Variants in DPP4 observed in about 807,000 individuals in gnomAD.
The protein encoded by DPP4 is ADCP-2.
Under a neutral mutation model 122.4 loss-of-function variants are expected in DPP4, and 93 were observed. The observed-to-expected ratio is 0.76, with a 90% confidence interval of 0.64 to 0.90. The LOEUF is 0.90. DPP4 is among the 40% of genes least tolerant of loss of function. The probability of loss-of-function intolerance (pLI) is 0.00; values close to 1 mark genes in which losing one functional copy is unlikely to be tolerated. For missense variants in DPP4, 914 were observed against 907.3 expected (o/e 1.01, Z -0.09); for synonymous variants, 321 against 302.9 (o/e 1.06, Z -0.62).
intron 10 of DPP4, among the ~76,000 whole-genome samples, chr2:162,032,785 G>T (rs992118770): frequency 6.6e-6 from 1 of 151,878 alleles, no homozygotes; most frequent in African/African-American, 2.4e-5. Context: ...GCCGTAAATT[G>T]TACCCAGTAT....
intron 2 of DPP4, among the ~76,000 whole-genome samples, chr2:162,071,242 T>A (rs1320178222): frequency 6.6e-6 from 1 of 152,228 alleles, no homozygotes; most frequent in Non-Finnish European, 1.5e-5. Flanking sequence ...CAGGATGTGA[T>A]CTCATGTCTC....
chr2:162,023,193 C>A (rs1559712549), intron 11 of DPP4, among the ~76,000 whole-genome samples: 1 of 152,134 alleles, frequency 6.6e-6, no homozygotes, highest in Non-Finnish European at 1.5e-5. Flanking sequence ...TCCTTCAGCC[C>A]CTGTCACCTA....
intron 16 of DPP4, among the ~76,000 whole-genome samples, chr2:162,018,263 T>C (rs1682993063): frequency 6.6e-6 from 1 of 152,218 alleles, no homozygotes; most frequent in African/African-American, 2.4e-5. Flanking sequence ...TTGAATCCTG[T>C]TGTGCCTGTA....
chr2:162,031,273 G>C (rs990795443), intron 10 of DPP4, among the ~76,000 whole-genome samples: 6 of 152,282 alleles, frequency 3.9e-5, no homozygotes, highest in South Asian at 2.1e-4. Context: ...ACCACTCCAG[G>C]TTCTGTCTAA....
chr2:162,015,873 C>T (rs763413970), intron 18 of DPP4, among the ~76,000 whole-genome samples: 3 of 152,156 alleles, frequency 2.0e-5, no homozygotes, highest in African/African-American at 4.8e-5. Context: ...TTGCCCCTCA[C>T]GTGTGGCTCA....
At position 162,033,642 on chromosome 2, in the gene DPP4, C is replaced by T. The variant is rs1189216765; in HGVS notation, c.786G>A (p.Val262=). Residue 262 remains valine, a synonymous_variant, in exon 10 of 26, where the codon GTG becomes GTA. Transcript: ENST00000360534. ...CAACAAAGAACTTTACAGTTGGATTCACAGCTCCTGCCTAGGAAAAAATAA... is the reference window on the plus strand; with the variant it reads ...CAACAAAGAACTTTACAGTTGGATTTACAGCTCCTGCCTAGGAAAAAATAA... ...VRVPYPKAGA[V]NPTVKFFVVN... 2.5e-6 allele frequency: 4 copies of T among 1,606,934 alleles called. No homozygotes were observed. The highest frequency in any genetic ancestry group is 1.7e-4 in the Middle Eastern group (1 of 6,036).
intron 9 of DPP4, among the ~76,000 whole-genome samples, 190 bp downstream of exon 9, chr2:162,034,974 C>A (rs1683715229): frequency 6.6e-6 from 1 of 151,806 alleles, no homozygotes; most frequent in Non-Finnish European, 1.5e-5. Flanking sequence ...ATTACAAAAC[C>A]TTAAATCACA....
Position 162,049,103 on chromosome 2 carries a change from C to T in DPP4, c.95-1602G>A, listed in dbSNP as rs201301582. ...AACATACACTCACAAAATCAGCCAC[C>T]GTTATAAAATTCCTATAACTGCAGT... On this transcript the variant is annotated intron_variant, in intron 2 of 25. Transcript: ENST00000360534. Among the ~76,000 whole-genome samples the T allele has an allele frequency of 1.9e-4, 29 of 152,120 alleles. No individual in the cohort carries two copies. The East Asian group carries it at 3.5e-3, about 18-fold the overall frequency.
chr2:162,033,085 C>T (rs1234249794), intron 10 of DPP4, among the ~76,000 whole-genome samples: 1 of 152,182 alleles, frequency 6.6e-6, no homozygotes, highest in East Asian at 1.9e-4. Flanking sequence ...TTTGCACTTG[C>T]TCTTCCTCTG....
In DPP4 at chr2:162,047,463, G is replaced by GTAATCAGTA; in HGVS notation, c.132_133insTACTGATTA (p.Thr44_Leu45insTyrTer). On this transcript the variant is annotated stop_gained and inframe_insertion, in exon 3 of 26. Coordinates refer to ENST00000360534, the MANE Select transcript of DPP4 (RefSeq NM_001935.4). LOFTEE classifies it high-confidence loss of function. ...TAAGTATTTTTTAAGTAATCAGTTAGAGTGTAAGTTTTGCGACTGTCAGCT... is the reference window on the plus strand; with the variant it reads ...TAAGTATTTTTTAAGTAATCAGTTAGTAATCAGTAAGTGTAAGTTTTGCGACTGTCAGCT... 1 of 1,585,732 alleles carries GTAATCAGTA rather than the reference G, an allele frequency of 6.3e-7. No homozygotes were observed. The highest frequency in any genetic ancestry group is 2.2e-5 in the East Asian group (1 of 44,462).
intron 5 of DPP4, among the ~76,000 whole-genome samples, chr2:162,041,702 C>A (rs896073270): frequency 6.6e-6 from 1 of 152,134 alleles, no homozygotes; most frequent in African/African-American, 2.4e-5. Context: ...GGATTGAGAT[C>A]ACTGAGCATG....
chr2:162,035,928 G>A (rs1314862748), intron 8 of DPP4, among the ~76,000 whole-genome samples: 1 of 152,158 alleles, frequency 6.6e-6, no homozygotes, highest in Non-Finnish European at 1.5e-5. Context: ...TTAACACACT[G>A]CTCTGGTGTA....
intron 10 of DPP4, among the ~76,000 whole-genome samples, chr2:162,032,461 G>A (rs1343909245): frequency 6.6e-6 from 1 of 152,150 alleles, no homozygotes; most frequent in African/African-American, 2.4e-5. Context: ...GCCAAGGCGG[G>A]CAGATCATGA....
intron 2 of DPP4, among the ~76,000 whole-genome samples, chr2:162,072,501 C>A (rs1304273529): frequency 6.6e-6 from 1 of 152,214 alleles, no homozygotes; most frequent in Non-Finnish European, 1.5e-5. Context: ...ATCCTAAAAT[C>A]TAGATAAGAC....
rs1559730106 is a variant in DPP4 at position 162,073,492 on chromosome 2, A to G, written c.7-6T>C. On this transcript the variant is annotated splice_polypyrimidine_tract_variant and splice_region_variant and intron_variant, in intron 1 of 25. Coordinates refer to ENST00000360534, the MANE Select transcript of DPP4 (RefSeq NM_001935.4). ...AGAAGAACCTTCCACGGTGTCTGCA[A>G]GCCGAGCAGATCAAGTCCAATTAGA... is the stretch of plus-strand genomic sequence containing the variant. The G allele has an allele frequency of 1.2e-6, 2 of 1,613,646 alleles. No homozygotes were observed. The highest frequency in any genetic ancestry group is 8.5e-7 in the Non-Finnish European group (1 of 1,179,956).
intron 10 of DPP4, among the ~76,000 whole-genome samples, chr2:162,027,325 T>C (rs1169262191): frequency 6.7e-6 from 1 of 149,682 alleles, no homozygotes; most frequent in Non-Finnish European, 1.5e-5. Flanking sequence ...CACTCTAGCC[T>C]GGGTGAGAGT....
intron 19 of DPP4, among the ~76,000 whole-genome samples, chr2:162,012,779 A>T (rs913761495): frequency 5.3e-5 from 8 of 151,780 alleles, no homozygotes; most frequent in Non-Finnish European, 1.2e-4. Context: ...CCATCTACAC[A>T]ACTCCTGGAC....
intron 19 of DPP4, 25 bp downstream of exon 19, chr2:162,014,371 T>C: frequency 6.3e-7 from 1 of 1,574,986 alleles, no homozygotes; most frequent in Non-Finnish European, 8.7e-7. Context: ...TACTTCTAAA[T>C]TGCTCCCTTC....
At chr2:162,051,706 T>G (rs148627334) in intron 2 of DPP4, among the ~76,000 whole-genome samples, 1 of 152,104 alleles carries the variant, frequency 6.6e-6, no homozygotes, top group East Asian at 1.9e-4. Flanking sequence ...GGAGGAAAAA[T>G]CAAGGAGGTA....
Sources: allele counts gnomAD v4.1 joint callset (sites outside exome capture counted in the v4.1 genomes callset), GRCh38; gene constraint gnomAD v4.1.1; transcripts MANE v1.5; gene names NCBI Gene and HGNC (gene_info 2026-07-23, HGNC 2026-07-21).